Variants in USO1 observed in about 807,000 individuals in gnomAD.
The protein encoded by USO1 is USO1 vesicle transport factor.
Under a neutral mutation model 124.5 loss-of-function variants are expected in USO1, and 57 were observed. The observed-to-expected ratio is 0.46, with a 90% CI of 0.37 to 0.57. USO1 has a LOEUF of 0.57. Ranked by LOEUF, USO1 falls within the 20% of genes least tolerant of loss-of-function variation. The probability of loss-of-function intolerance (pLI) is 0.00; values close to 1 mark genes in which losing one functional copy is unlikely to be tolerated. For missense variants in USO1, 900 were observed against 1,040.6 expected, an observed-to-expected ratio of 0.86 and a Z score of 1.86; for synonymous variants, 369 against 362.8, an observed-to-expected ratio of 1.02 and a Z score of -0.19.
chr4:75,775,643 C>T (rs1722053258), intron 8 of USO1, among the ~76,000 whole-genome samples: 1 of 152,214 alleles, frequency 6.6e-6, no homozygotes, highest in South Asian at 2.1e-4. Context: ...CCTAGCAGCA[C>T]TCAGCTGCCT....
At chr4:75,789,084 A>C (rs1403193746) in intron 10 of USO1, among the ~76,000 whole-genome samples, 3 of 151,724 alleles carry the variant, frequency 2.0e-5, no homozygotes, top group Non-Finnish European at 4.4e-5. Context: ...TTTTCTCTCT[A>C]GAAACTTTTG....
chr4:75,779,138 G>A (rs535206570), intron 8 of USO1, among the ~76,000 whole-genome samples: 1 of 152,220 alleles, frequency 6.6e-6, no homozygotes, highest in Non-Finnish European at 1.5e-5. Flanking sequence ...AAGCAAAAAT[G>A]TTTTATGCAT....
chr4:75,777,105 T>G (rs1722091888), intron 8 of USO1, among the ~76,000 whole-genome samples: 1 of 152,192 alleles, frequency 6.6e-6, no homozygotes, highest in African/African-American at 2.4e-5. Context: ...TTTTCTATCT[T>G]TTAGAATTGT....
At chr4:75,771,890 T>C (rs1217266626) in intron 7 of USO1, among the ~76,000 whole-genome samples, 1 of 152,258 alleles carries the variant, frequency 6.6e-6, no homozygotes, top group African/African-American at 2.4e-5. Flanking sequence ...AATTAAATTC[T>C]GGAGCTAGGA....
At position 75,805,182 on chromosome 4, in the gene USO1, A is replaced by G; in HGVS notation, c.2168A>G (p.Gln723Arg). Reference sequence around the variant, plus strand: ...CAAGGTTCTTACAGTGAGGGGGCTCAGATGAATGGCATTCAGCCAGAAGAA... The same window carrying G: ...CAAGGTTCTTACAGTGAGGGGGCTCGGATGAATGGCATTCAGCCAGAAGAA... Reference protein sequence around the residue: ...QHQGSYSEGAQMNGIQPEEIG... With the variant: ...QHQGSYSEGARMNGIQPEEIG... The change falls in exon 19 of 24, where the codon CAG (glutamine) becomes CGG (arginine). Residue 723 changes from glutamine (Q) to arginine (R), a missense_variant. Gln to Arg is a conservative substitution (Grantham distance 43, BLOSUM62 1). Transcript: ENST00000514213. 6.2e-7 allele frequency: 1 copy of G among 1,611,620 alleles called. No homozygotes were observed. Among genetic ancestry groups the G allele is most frequent in the East Asian group, 2.2e-5 (1 of 44,710 alleles).
chr4:75,750,410 C>A (rs929258671), intron 1 of USO1, among the ~76,000 whole-genome samples: 21 of 147,782 alleles, frequency 1.4e-4, no homozygotes, highest in Admixed American at 1.3e-3. Context: ...TGCACTTCAA[C>A]CTAGGAGATA....
chr4:75,772,533 G>C (rs114996491), intron 7 of USO1, among the ~76,000 whole-genome samples: 1 of 152,054 alleles, frequency 6.6e-6, no homozygotes, highest in African/African-American at 2.4e-5. Context: ...CACCGCGCCC[G>C]GCCGAGAAGT....
chr4:75,779,833 G>A (rs1722169338), intron 8 of USO1, among the ~76,000 whole-genome samples: 1 of 152,220 alleles, frequency 6.6e-6, no homozygotes, highest in African/African-American at 2.4e-5. Context: ...TAAATGTTCA[G>A]CATAGACAAA....
At position 75,810,543 on chromosome 4, in the gene USO1, T is replaced by G; in HGVS notation, c.2583+4T>G. ...ACAAGAGACCAAAGAGTTAAAGGTT[T>G]GTTTTTGGTGCAACTTTTATTTACT... On this transcript the variant is annotated splice_donor_region_variant and intron_variant, in intron 22 of 23. Coordinates refer to ENST00000514213, the MANE Select transcript of USO1 (RefSeq NM_003715.4). The G allele has an allele frequency of 6.3e-7, 1 of 1,598,432 alleles. No homozygotes were observed. The highest frequency in any genetic ancestry group is 8.5e-7 in the Non-Finnish European group (1 of 1,174,942).
chr4:75,727,321 GAGT>G (rs1190630319), intron 1 of USO1, among the ~76,000 whole-genome samples: 2 of 152,218 alleles, frequency 1.3e-5, no homozygotes, highest in East Asian at 3.8e-4. Flanking sequence ...AGTGAAACTT[GAGT>G]ATCACTTGCG....
intron 4 of USO1, among the ~76,000 whole-genome samples, chr4:75,764,262 A>G (rs1721702609): frequency 6.6e-6 from 1 of 152,222 alleles, no homozygotes; most frequent in Non-Finnish European, 1.5e-5. Context: ...TTCTGGTATT[A>G]GACCTGACTT....
Position 75,813,604 on chromosome 4 carries a change from C to A in USO1, c.*309C>A. The A allele has an allele frequency of 5.3e-6, 1 of 189,978 alleles. No individual in the cohort carries two copies. The highest frequency in any genetic ancestry group is 6.1e-5 in the Admixed American group (1 of 16,430). The allele number at this position is 189,978 out of a possible 1,614,324, so 11.8% of individuals were successfully genotyped here. On this transcript the variant is annotated 3_prime_UTR_variant, in exon 24 of 24. Coordinates refer to ENST00000514213, the MANE Select transcript of USO1 (RefSeq NM_003715.4). ...ACAATGCTATTTGCCTTAGTTCATT[C>A]GTTGTTTACTTTGCAAAATTTGTGA... is the stretch of plus-strand genomic sequence containing the variant.
intron 1 of USO1, among the ~76,000 whole-genome samples, chr4:75,746,112 G>C (rs1249265799): frequency 6.6e-6 from 1 of 152,004 alleles, no homozygotes; most frequent in African/African-American, 2.4e-5. Context: ...ATCTTATTCT[G>C]CCATCTTCCT....
intron 9 of USO1, among the ~76,000 whole-genome samples, chr4:75,785,753 G>T (rs1421249634): frequency 6.6e-6 from 1 of 152,000 alleles, no homozygotes; most frequent in Non-Finnish European, 1.5e-5. Flanking sequence ...TGTAATAATG[G>T]TATGATTATA....
At chr4:75,736,441 C>T (rs1300975013) in intron 1 of USO1, among the ~76,000 whole-genome samples, 6 of 151,146 alleles carry the variant, frequency 4.0e-5, no homozygotes, top group African/African-American at 1.2e-4. Flanking sequence ...CTCCACCTCC[C>T]GAGTAGCTGG....
chr4:75,763,091 A>T (rs748956397), intron 4 of USO1, among the ~76,000 whole-genome samples: 2 of 152,258 alleles, frequency 1.3e-5, no homozygotes, highest in Non-Finnish European at 2.9e-5. Context: ...AACTTAGTAT[A>T]GAATAGAATT....
At chr4:75,753,520 G>A (rs1397326930) in intron 3 of USO1, among the ~76,000 whole-genome samples, 2 of 152,034 alleles carry the variant, frequency 1.3e-5, no homozygotes, top group Admixed American at 6.6e-5. Flanking sequence ...GGGCAACAGA[G>A]CAAGACTCTG....
chr4:75,751,804 C>T (rs1721303777), intron 1 of USO1, among the ~76,000 whole-genome samples: 1 of 151,702 alleles, frequency 6.6e-6, no homozygotes, highest in Non-Finnish European at 1.5e-5. Context: ...CGCACTCCAG[C>T]CTGGGGGACA....
At chr4:75,791,686 T>G (rs1202482229) in intron 12 of USO1, among the ~76,000 whole-genome samples, 1 of 152,226 alleles carries the variant, frequency 6.6e-6, no homozygotes, top group African/African-American at 2.4e-5. Context: ...CTTTGTTAAC[T>G]TTTAAACTTC....
Sources: allele counts gnomAD v4.1 joint callset (sites outside exome capture counted in the v4.1 genomes callset), GRCh38; gene constraint gnomAD v4.1.1; transcripts MANE v1.5; gene names NCBI Gene and HGNC (gene_info 2026-07-23, HGNC 2026-07-21).